The following TBC1D4 variants were observed in gnomAD, a reference collection of about 807,000 sequenced individuals.
TBC1D4 encodes TBC (Tre-2, BUB2, CDC16) domain-containing protein.
Under a neutral mutation model 142.5 loss-of-function variants are expected in TBC1D4, and 121 were observed. The observed-to-expected ratio is 0.85, with a 90% CI of 0.73 to 0.99. TBC1D4 has a LOEUF of 0.99. Ranked by LOEUF, TBC1D4 falls within the 50% of genes least tolerant of loss-of-function variation. TBC1D4 has a pLI of 0.00. For missense variants in TBC1D4, 1,475 were observed against 1,606.6 expected (o/e 0.92, Z 1.40); for synonymous variants, 630 against 628.2 (o/e 1.00, Z -0.04).
intron 1 of TBC1D4, among the ~76,000 whole-genome samples, chr13:75,410,828 C>T (rs904416567): frequency 2.1e-5 from 3 of 145,746 alleles, no homozygotes; most frequent in South Asian, 2.3e-4. Context: ...CCCAGCTACT[C>T]GGGAGGCTGA....
At chr13:75,409,637 A>C (rs527497218) in intron 1 of TBC1D4, among the ~76,000 whole-genome samples, 14 of 152,260 alleles carry the variant, frequency 9.2e-5, no homozygotes, top group African/African-American at 2.9e-4. Flanking sequence ...GAAACTTCAC[A>C]GTAAAATACA....
intron 17 of TBC1D4, among the ~76,000 whole-genome samples, chr13:75,295,484 C>T (rs1875819306): frequency 6.6e-6 from 1 of 152,174 alleles, no homozygotes; most frequent in Non-Finnish European, 1.5e-5. Context: ...GCTCTCCAGA[C>T]AATCTGCACT....
chr13:75,461,543 G>A (rs1229711251), intron 1 of TBC1D4, among the ~76,000 whole-genome samples: 7 of 152,140 alleles, frequency 4.6e-5, no homozygotes, highest in Non-Finnish European at 4.4e-5. Flanking sequence ...TAAGGAATGT[G>A]GAAATCACCA....
At chr13:75,316,041 A>G (rs190783200) in intron 12 of TBC1D4, among the ~76,000 whole-genome samples, 17 of 152,354 alleles carry the variant, frequency 1.1e-4, no homozygotes, top group Admixed American at 8.5e-4. Context: ...AAGATCAACA[A>G]ATATTAATTT....
chr13:75,317,059 T>C (rs1252343747), intron 12 of TBC1D4, among the ~76,000 whole-genome samples: 1 of 152,158 alleles, frequency 6.6e-6, no homozygotes, highest in African/African-American at 2.4e-5. Context: ...ACTTCCATTT[T>C]TGGTGCAATA....
chr13:75,307,728 A>C (rs1238959061), intron 14 of TBC1D4, among the ~76,000 whole-genome samples: 1 of 152,244 alleles, frequency 6.6e-6, no homozygotes, highest in Non-Finnish European at 1.5e-5. Flanking sequence ...AAGGCAGTAA[A>C]AATTCCTACT....
intron 16 of TBC1D4, among the ~76,000 whole-genome samples, chr13:75,301,837 G>A (rs888221936): frequency 6.6e-6 from 1 of 152,112 alleles, no homozygotes; most frequent in Admixed American, 6.5e-5. Flanking sequence ...TTTCAGCAGT[G>A]TGTCCAGGAA....
rs2138332362 is a variant in TBC1D4, at chr13:75,472,628, A to G, written c.498+8642T>C. ...AGGAAGGGGCGAGGACCATAACTAG[A>G]TACTCTCTCAGGAAAAAGAAGGCCA... On this transcript the variant is annotated intron_variant, in intron 1 of 20. Coordinates refer to ENST00000377636, the MANE Select transcript of TBC1D4 (RefSeq NM_014832.5). Among the ~76,000 whole-genome samples the G allele has an allele frequency of 2.0e-5, 3 of 152,108 alleles. No homozygotes were observed. The South Asian group carries it at 6.2e-4, about 32-fold the overall frequency.
chr13:75,307,100 C>T (rs1025137952), intron 14 of TBC1D4, among the ~76,000 whole-genome samples: 7 of 152,122 alleles, frequency 4.6e-5, no homozygotes, highest in African/African-American at 1.4e-4. Flanking sequence ...GCTAGGACTA[C>T]AGGCATGCGC....
chr13:75,425,492 G>C (rs943289060), intron 1 of TBC1D4, among the ~76,000 whole-genome samples: 1 of 152,158 alleles, frequency 6.6e-6, no homozygotes, highest in African/African-American at 2.4e-5. Context: ...TATGACATCA[G>C]TATGTTGAAA....
intron 5 of TBC1D4, among the ~76,000 whole-genome samples, chr13:75,342,999 A>G (rs748033360): frequency 1.3e-5 from 2 of 152,146 alleles, no homozygotes; most frequent in African/African-American, 2.4e-5. Flanking sequence ...GTATTTATTT[A>G]CAAAGAATAA....
Position 75,480,907 on chromosome 13 carries a change from G to A in TBC1D4, c.498+363C>T, listed in dbSNP as rs1325467. On this transcript the variant is annotated intron_variant, in intron 1 of 20. Transcript: ENST00000377636. The stretch of plus-strand genomic sequence containing the variant: ...CACACACACACACACACACACACAC[G>A]GCAAGCAAGCCATCTCCGGTCACAC... Among the ~76,000 whole-genome samples the A allele has an allele frequency of 7.0e-3, 297 of 42,288 alleles. 3 individuals are homozygous for A. The highest frequency in any genetic ancestry group is 0.056 in the East Asian group (69 of 1,224). 27.7% of individuals were successfully genotyped at this position (42,288 alleles called of 152,430 possible).
chr13:75,325,354 G>A (rs1879135653), intron 10 of TBC1D4, among the ~76,000 whole-genome samples: 1 of 150,996 alleles, frequency 6.6e-6, no homozygotes, highest in Non-Finnish European at 1.5e-5. Flanking sequence ...TAGAAGAAAT[G>A]CAGGCAAATT....
Position 75,478,214 on chromosome 13 carries a change from G to C in TBC1D4, c.498+3056C>G, listed in dbSNP as rs139587119. 1.2e-3 allele frequency among the ~76,000 whole-genome samples: 185 copies of C among 152,150 alleles called. 4 individuals are homozygous for C. Among genetic ancestry groups the C allele is most frequent in the Admixed American group, 0.01 (160 of 15,278 alleles). On this transcript the variant is annotated intron_variant, in intron 1 of 20. Transcript: ENST00000377636. ...TTAGTAACCACAATCCTCCAACTCG[G>C]TGGCTCTGCATGAACACAAACTTTG...
At chr13:75,339,703 G>A (rs1880522020) in intron 7 of TBC1D4, among the ~76,000 whole-genome samples, 1 of 151,956 alleles carries the variant, frequency 6.6e-6, no homozygotes, top group Non-Finnish European at 1.5e-5. Context: ...AGCTTCCTGA[G>A]TAGCTGGGAT....
chr13:75,287,728 T>C (rs1211533897), intron 20 of TBC1D4, among the ~76,000 whole-genome samples: 1 of 152,218 alleles, frequency 6.6e-6, no homozygotes, highest in Non-Finnish European at 1.5e-5. Context: ...GGAAGTTTAG[T>C]GTTCCCATTC....
intron 1 of TBC1D4, among the ~76,000 whole-genome samples, chr13:75,391,032 C>CCACACACACACA (rs71127539): frequency 3.1e-4 from 42 of 136,788 alleles, no homozygotes; most frequent in African/African-American, 9.0e-4. Flanking sequence ...TATTCCCCCA[C>CCACACACACACA]CACACACACA....
intron 15 of TBC1D4, among the ~76,000 whole-genome samples, chr13:75,303,725 C>T (rs1053183599): frequency 7.2e-5 from 11 of 152,202 alleles, no homozygotes; most frequent in Admixed American, 1.3e-4. Flanking sequence ...AACTGAGGCT[C>T]GTTGGCATGA....
At chr13:75,360,370 C>A (rs577338847) in intron 2 of TBC1D4, among the ~76,000 whole-genome samples, 2 of 152,074 alleles carry the variant, frequency 1.3e-5, no homozygotes, top group Non-Finnish European at 2.9e-5. Context: ...TCAGTTAATA[C>A]ATCACCAAAG....
Sources: allele counts gnomAD v4.1 joint callset (sites outside exome capture counted in the v4.1 genomes callset), GRCh38; gene constraint gnomAD v4.1.1; transcripts MANE v1.5; gene names NCBI Gene and HGNC (gene_info 2026-07-23, HGNC 2026-07-21).